Variants in ETV6 observed in about 807,000 individuals in gnomAD.
ETV6 encodes the protein ETS variant transcription factor 6, also known as transcription factor ETV6.
A neutral mutation model predicts 51.1 loss-of-function variants in ETV6; 16 were observed. The ratio of observed to expected loss-of-function variants is 0.31; its 90% CI spans 0.21 to 0.48. The LOEUF is 0.48. ETV6 is among the 20% of genes least tolerant of loss of function. ETV6 has a pLI of 0.99. For synonymous variants in ETV6, 240 were observed against 224.1 expected (o/e 1.07, Z -0.64); for missense variants, 458 against 594.8 (o/e 0.77, Z 2.39).
chr12:11,884,316 G>A (rs943201828), intron 5 of ETV6, 129 bp from the exon 6 acceptor site: 16 of 1,023,898 alleles, frequency 1.6e-5, no homozygotes, highest in Non-Finnish European at 2.3e-5. Flanking sequence ...GTAAAACAAG[G>A]AAGTTAGTTA....
intron 1 of ETV6, among the ~76,000 whole-genome samples, chr12:11,731,491 T>G (rs182311179): frequency 6.6e-6 from 1 of 152,310 alleles, no homozygotes; most frequent in East Asian, 1.9e-4. Context: ...TTTAGACGTC[T>G]TTGGAGGTTT....
rs567064659 is a variant in ETV6, at chr12:11,652,637, A to G, written c.33+2477A>G. Reference sequence around the variant, plus strand: ...CCTGAAACCGTCCTCACTTGCTTTCATTCCTTACAAGTAGCGGGTCAGCAG... The same window carrying G: ...CCTGAAACCGTCCTCACTTGCTTTCGTTCCTTACAAGTAGCGGGTCAGCAG... On this transcript the variant is annotated intron_variant, in intron 1 of 7. Transcript: ENST00000396373. 2.6e-3 allele frequency among the ~76,000 whole-genome samples: 403 copies of G among 152,274 alleles called. 2 individuals are homozygous for G. The highest frequency in any genetic ancestry group is 4.7e-3 in the Non-Finnish European group (317 of 68,008).
intron 2 of ETV6, among the ~76,000 whole-genome samples, chr12:11,789,958 G>A (rs1945556118): frequency 6.6e-6 from 1 of 151,912 alleles, no homozygotes; most frequent in South Asian, 2.1e-4. Context: ...CTTTCATTCT[G>A]GGAACTGTCC....
intron 2 of ETV6, among the ~76,000 whole-genome samples, chr12:11,772,830 C>A (rs962643707): frequency 1.1e-4 from 16 of 152,120 alleles, no homozygotes; most frequent in African/African-American, 3.9e-4. Context: ...GTTGGAAGAT[C>A]TTTAGATTGC....
intron 2 of ETV6, among the ~76,000 whole-genome samples, chr12:11,803,041 T>C (rs1195978623): frequency 6.6e-6 from 1 of 152,212 alleles, no homozygotes; most frequent in Non-Finnish European, 1.5e-5. Context: ...TCTCCACAAG[T>C]TTCTTCATAG....
chr12:11,657,274 C>T (rs995329619), intron 1 of ETV6, among the ~76,000 whole-genome samples: 1 of 152,130 alleles, frequency 6.6e-6, no homozygotes, highest in Non-Finnish European at 1.5e-5. Flanking sequence ...ACTGATCAAG[C>T]CAGAGTCAGA....
At chr12:11,849,740 C>A (rs1946520005) in intron 3 of ETV6, among the ~76,000 whole-genome samples, 1 of 152,186 alleles carries the variant, frequency 6.6e-6, no homozygotes, top group Non-Finnish European at 1.5e-5. Context: ...AAGTACCCAG[C>A]CAAAGCCACT....
intron 1 of ETV6, among the ~76,000 whole-genome samples, chr12:11,711,567 T>A (rs1865172226): frequency 6.6e-6 from 1 of 152,204 alleles, no homozygotes; most frequent in South Asian, 2.1e-4. Context: ...ATCCTGAAAT[T>A]CCTTTTTTGA....
At chr12:11,704,398 A>G (rs1865036223) in intron 1 of ETV6, among the ~76,000 whole-genome samples, 2 of 152,152 alleles carry the variant, frequency 1.3e-5, no homozygotes, top group East Asian at 1.9e-4. Flanking sequence ...CCAGGCTGGA[A>G]TACAGTGGCG....
Position 11,780,730 on chromosome 12 carries a change from A to G in ETV6, c.163+28151A>G, listed in dbSNP as rs77793483. On this transcript the variant is annotated intron_variant, in intron 2 of 7. Transcript: ENST00000396373. ...CAAGTGCATCTAATTGGCTGAGTCC[A>G]GGTTATGTTCCAGGGAACAGGGGAG... Among the ~76,000 whole-genome samples the G allele has an allele frequency of 5.2e-3, 795 of 152,356 alleles. 9 individuals carry two copies. The highest frequency in any genetic ancestry group is 0.018 in the African/African-American group (760 of 41,588).
At chr12:11,854,978 TG>T (rs542938695) in intron 4 of ETV6, among the ~76,000 whole-genome samples, 1 of 151,902 alleles carries the variant, frequency 6.6e-6, no homozygotes, top group Non-Finnish European at 1.5e-5. Flanking sequence ...GAATAGGTGT[TG>T]GGGCACAGAA....
intron 1 of ETV6, among the ~76,000 whole-genome samples, chr12:11,660,923 C>A (rs1864090257): frequency 6.6e-6 from 1 of 152,170 alleles, no homozygotes; most frequent in Non-Finnish European, 1.5e-5. Context: ...TACTCATAAC[C>A]CAAGTCCCTG....
intron 3 of ETV6, among the ~76,000 whole-genome samples, chr12:11,844,148 CCTTA>C (rs1946428584): frequency 6.6e-6 from 1 of 151,968 alleles, no homozygotes; most frequent in Non-Finnish European, 1.5e-5. Context: ...TTATATTAAC[CCTTA>C]CTTAGGGTTA....
chr12:11,879,747 C>T (rs1947057834), intron 5 of ETV6, among the ~76,000 whole-genome samples: 1 of 152,070 alleles, frequency 6.6e-6, no homozygotes, highest in African/African-American at 2.4e-5. Context: ...TAATGAATAC[C>T]TTGTGATCCA....
intron 1 of ETV6, among the ~76,000 whole-genome samples, chr12:11,738,347 T>C (rs1865748721): frequency 6.7e-6 from 1 of 149,524 alleles, no homozygotes; most frequent in South Asian, 2.1e-4. Context: ...GACAGGGTCT[T>C]GCTCAGTCAG....
intron 1 of ETV6, among the ~76,000 whole-genome samples, chr12:11,680,448 G>GCTGT (rs1289621687): frequency 6.6e-6 from 1 of 152,142 alleles, no homozygotes; most frequent in African/African-American, 2.4e-5. Context: ...TGGTGCTGTA[G>GCTGT]CTGTCGTCAG....
At chr12:11,763,929 G>C (rs770200955) in intron 2 of ETV6, among the ~76,000 whole-genome samples, 8 of 152,218 alleles carry the variant, frequency 5.3e-5, no homozygotes, top group Non-Finnish European at 1.2e-4. Context: ...ACTGTGAACG[G>C]GGTGAATGTT....
At chr12:11,840,408 G>T (rs754059364) in intron 3 of ETV6, 2 of 456,016 alleles carry the variant, frequency 4.4e-6, no homozygotes, top group South Asian at 3.1e-5. Context: ...TGCCTCTTGC[G>T]GGATTAATTA....
At chr12:11,845,362 G>C (rs1230427988) in intron 3 of ETV6, among the ~76,000 whole-genome samples, 1 of 152,188 alleles carries the variant, frequency 6.6e-6, no homozygotes, top group African/African-American at 2.4e-5. Flanking sequence ...ACTGCACAGT[G>C]CTTCCTTTAA....
Sources: allele counts gnomAD v4.1 joint callset (sites outside exome capture counted in the v4.1 genomes callset), GRCh38; gene constraint gnomAD v4.1.1; transcripts MANE v1.5; gene names NCBI Gene and HGNC (gene_info 2026-07-23, HGNC 2026-07-21).